ADK: variants seen among roughly 807,000 people sequenced by gnomAD.
The protein encoded by ADK is N6,N6-dimethyladenosine kinase.
ADK carries 24 observed loss-of-function variants against 44.7 expected under a neutral mutation model. That is an observed-to-expected ratio of 0.54 (90% CI 0.39 to 0.76). The LOEUF (loss-of-function observed/expected upper bound fraction) is 0.76, where lower values mean the gene tolerates loss of function less well. Among genes scored for constraint, ADK ranks in the 30% least tolerant of loss-of-function variants. The pLI is 0.00. For synonymous variants in ADK, 128 were observed against 142.6 expected (o/e 0.90, Z 0.73); for missense variants, 321 against 425.1 (o/e 0.76, Z 2.15).
At chr10:74,381,174 A>G (rs2132005153) in intron 4 of ADK, among the ~76,000 whole-genome samples, 1 of 152,342 alleles carries the variant, frequency 6.6e-6, no homozygotes, top group South Asian at 2.1e-4. Flanking sequence ...TAAATGTTTT[A>G]TGATATTGTT....
At chr10:74,157,817 G>A (rs1312714639) in intron 1 of ADK, among the ~76,000 whole-genome samples, 3 of 152,218 alleles carry the variant, frequency 2.0e-5, no homozygotes, top group East Asian at 1.9e-4. Context: ...TCTTGAACCC[G>A]GGAAGTGGAG....
chr10:74,253,693 T>G (rs918036069), intron 3 of ADK, among the ~76,000 whole-genome samples: 5 of 151,786 alleles, frequency 3.3e-5, no homozygotes, highest in Non-Finnish European at 7.4e-5. Flanking sequence ...ATAATATTCC[T>G]AAGAATGTAT....
intron 4 of ADK, among the ~76,000 whole-genome samples, chr10:74,335,286 T>G (rs1435814130): frequency 6.6e-6 from 1 of 152,234 alleles, no homozygotes; most frequent in Non-Finnish European, 1.5e-5. Context: ...CTTGTTGCCA[T>G]TGGCTGTGCC....
At chr10:74,318,125 T>TA (rs2131814217) in intron 4 of ADK, among the ~76,000 whole-genome samples, 1 of 152,278 alleles carries the variant, frequency 6.6e-6, no homozygotes, top group Non-Finnish European at 1.5e-5. Flanking sequence ...AAAAAACACA[T>TA]ACCAAAAAAA....
intron 7 of ADK, among the ~76,000 whole-genome samples, chr10:74,574,161 T>A (rs1851086582): frequency 6.6e-6 from 1 of 151,266 alleles, no homozygotes; most frequent in South Asian, 2.1e-4. Context: ...TCCGCTACTT[T>A]CTTTCTTTTT....
intron 6 of ADK, among the ~76,000 whole-genome samples, chr10:74,452,661 T>C (rs774787529): frequency 2.0e-5 from 3 of 152,034 alleles, no homozygotes; most frequent in Non-Finnish European, 2.9e-5. Context: ...ATCTGTAATA[T>C]TCAGGTGTTT....
chr10:74,614,634 C>G (rs1277376289), intron 9 of ADK, among the ~76,000 whole-genome samples: 1 of 152,116 alleles, frequency 6.6e-6, no homozygotes, highest in African/African-American at 2.4e-5. Context: ...AATGGAACCA[C>G]TCAGTATGTA....
intron 3 of ADK, among the ~76,000 whole-genome samples, chr10:74,291,593 C>G (rs1454218877): frequency 6.6e-6 from 1 of 151,878 alleles, no homozygotes; most frequent in East Asian, 1.9e-4. Flanking sequence ...GTGGTCAAAT[C>G]TTAATGATAA....
At chr10:74,228,849 T>G (rs1486295285) in intron 3 of ADK, among the ~76,000 whole-genome samples, 1 of 152,198 alleles carries the variant, frequency 6.6e-6, no homozygotes, top group African/African-American at 2.4e-5. Context: ...AATTCAGAAG[T>G]ATCCATACTA....
chr10:74,643,949 T>A (rs1442458313), intron 9 of ADK, among the ~76,000 whole-genome samples: 3 of 152,216 alleles, frequency 2.0e-5, no homozygotes, highest in Non-Finnish European at 4.4e-5. Flanking sequence ...TTCCAGACTT[T>A]GTCCTCCTAG....
chr10:74,648,201 G>C (rs1018392283), intron 9 of ADK, among the ~76,000 whole-genome samples: 10 of 152,090 alleles, frequency 6.6e-5, no homozygotes, highest in Admixed American at 6.5e-4. Context: ...AAGATAAAGA[G>C]GTTTATTGCC....
intron 6 of ADK, among the ~76,000 whole-genome samples, chr10:74,427,538 A>T (rs759588920): frequency 2.6e-5 from 4 of 152,148 alleles, no homozygotes; most frequent in Non-Finnish European, 5.9e-5. Context: ...TAAATCAGAG[A>T]CTATTTTGAG....
At chr10:74,450,388 G>C (rs980499152) in intron 6 of ADK, among the ~76,000 whole-genome samples, 1 of 152,142 alleles carries the variant, frequency 6.6e-6, no homozygotes, top group Non-Finnish European at 1.5e-5. Flanking sequence ...GTCTCTCTCT[G>C]TTCCTCCACT....
In ADK at chr10:74,447,038, G is replaced by A. The variant is rs545333863; in HGVS notation, c.555+48459G>A. On this transcript the variant is annotated intron_variant, in intron 6 of 10. Transcript: ENST00000539909. ...ATTTACTTAAACATCTCTCCACTAC[G>A]TAGAGCAGGTACTATAGGAGGAAAA... Among the ~76,000 whole-genome samples, 18 of 152,150 alleles carry A rather than the reference G, an allele frequency of 1.2e-4. 1 individual carries two copies. The highest frequency in any genetic ancestry group is 5.2e-4 in the Admixed American group (8 of 15,278).
chr10:74,555,670 T>A lies in ADK; in HGVS notation c.726+30244T>A, dbSNP rs572649886. On this transcript the variant is annotated intron_variant, in intron 7 of 10. Coordinates refer to ENST00000539909, the MANE Select transcript of ADK (RefSeq NM_006721.4). ...AGAAAGTTTAAAGTTAAATGTATAC[T>A]GTTATGAATATCTTATTAAAATGCA... is the stretch of plus-strand genomic sequence containing the variant. Among the ~76,000 whole-genome samples the A allele has an allele frequency of 1.4e-4, 21 of 151,948 alleles. No individual in the cohort carries two copies. In the East Asian group the frequency reaches 2.5e-3, roughly 18 times the overall value.
intron 10 of ADK, among the ~76,000 whole-genome samples, chr10:74,676,926 C>G (rs1277496794): frequency 6.6e-6 from 1 of 152,162 alleles, no homozygotes; most frequent in Non-Finnish European, 1.5e-5. Flanking sequence ...TCTCCTATTT[C>G]CCATCTAATA....
chr10:74,550,349 G>C (rs181303152), intron 7 of ADK, among the ~76,000 whole-genome samples: 14 of 152,090 alleles, frequency 9.2e-5, no homozygotes, highest in Admixed American at 8.5e-4. Flanking sequence ...GGGATTACAG[G>C]TACGAGCCAC....
In ADK at chr10:74,392,933, G is replaced by A. The variant is rs191636267; in HGVS notation, c.274-1208G>A. 2.2e-3 allele frequency among the ~76,000 whole-genome samples: 342 copies of A among 152,046 alleles called. 14 individuals are homozygous for A. Among genetic ancestry groups the A allele is most frequent in the Non-Finnish European group, 1.5e-3 (102 of 67,942 alleles). On this transcript the variant is annotated intron_variant, in intron 4 of 10. Coordinates refer to ENST00000539909, the MANE Select transcript of ADK (RefSeq NM_006721.4). ...TGGCTGTGTGGTATTCCATTGTGTG[G>A]ATATATCATAATTTAATCGACTGAT...
rs1362323801 is a variant in ADK, at chr10:74,323,899, ACT to A, written c.273+9157_273+9158del. The stretch of plus-strand genomic sequence containing the variant: ...AATATTTTCATTATCAAATGAAGAA[ACT>A]CTATAACCATTAGTAGTCATTCCCC... On this transcript the variant is annotated intron_variant, in intron 4 of 10. Transcript: ENST00000539909. 2.0e-5 allele frequency among the ~76,000 whole-genome samples: 3 copies of A among 151,856 alleles called. No individual in the cohort carries two copies. The East Asian group carries it at 5.8e-4, about 29-fold the overall frequency.
Sources: gnomAD v4.1 joint callset for allele counts (sites outside exome capture counted in the v4.1 genomes callset) on GRCh38, gnomAD v4.1.1 for gene constraint, MANE v1.5 for transcripts, NCBI Gene and HGNC (gene_info 2026-07-23, HGNC 2026-07-21) for gene names.